Variants in LEPROTL1 observed in about 807,000 individuals in gnomAD.
LEPROTL1 encodes leptin receptor overlapping transcript-like 1.
LEPROTL1 carries 6 observed loss-of-function variants against 15.4 expected under a neutral mutation model. The ratio of observed to expected loss-of-function variants is 0.39; its 90% CI spans 0.21 to 0.77. LEPROTL1 has a LOEUF of 0.77. Ranked by LOEUF, LEPROTL1 falls within the 30% of genes least tolerant of loss-of-function variation. The pLI, the probability that LEPROTL1 is intolerant of heterozygous loss-of-function variation, is 0.41. For missense variants in LEPROTL1, 128 were observed against 158.1 expected (o/e 0.81, Z 1.02); for synonymous variants, 56 against 52.6 (o/e 1.06, Z -0.28).
downstream of LEPROTL1, among the ~76,000 whole-genome samples, chr8:30,110,142 C>T (rs1392342909): frequency 6.6e-6 from 1 of 152,158 alleles, no homozygotes; most frequent in African/African-American, 2.4e-5. Flanking sequence ...GTATGCTTTG[C>T]TTCCAGTCTC....
At chr8:30,118,019 G>GGTTGTTTTTTTTTTT (rs751348725) in intron 3 of LEPROTL1, among the ~76,000 whole-genome samples, 1 of 26,772 alleles carries the variant, frequency 3.7e-5, no homozygotes, top group Non-Finnish European at 8.4e-5. Flanking sequence ...TTTTTGATTT[G>GGTTGTTTTTTTTTTT]TTTTTTTTTT....
intron 3 of LEPROTL1, among the ~76,000 whole-genome samples, chr8:30,123,224 G>A (rs139960517): frequency 1.3e-5 from 2 of 152,278 alleles, no homozygotes; most frequent in Admixed American, 1.3e-4. Context: ...GATATTTTAT[G>A]ACCTACCTTA....
chr8:30,106,130 ATG>A lies in LEPROTL1; in HGVS notation c.*272_*273del, dbSNP rs921047264. ...GGTGTCCTGCTGAATTTAAATATTT[ATG>A]TGTTTTTCCTGTTAGGTTGATTTTT... On this transcript the variant is annotated 3_prime_UTR_variant, in exon 4 of 4. Transcript: ENST00000321250. The A allele has an allele frequency of 3.0e-6, 3 of 1,011,588 alleles. No individual in the cohort carries two copies. In the African/African-American group the frequency reaches 5.2e-5, roughly 17 times the overall value. 62.7% of individuals were successfully genotyped at this position (1,011,588 alleles called of 1,614,324 possible).
Position 30,106,373 on chromosome 8 carries a change from C to T in LEPROTL1, c.*511C>T, listed in dbSNP as rs1401999886. On this transcript the variant is annotated 3_prime_UTR_variant, in exon 4 of 4. Transcript: ENST00000321250. ...TGCAGACATACAGACGGTTGGCATA[C>T]GTTATAGACTGTATACTCAGTGCAA... 1.9e-5 allele frequency: 19 copies of T among 986,064 alleles called. No homozygotes were observed. The highest frequency in any genetic ancestry group is 4.7e-5 in the South Asian group (1 of 21,300). The allele number at this position is 986,064 out of a possible 1,614,324, so 61.1% of individuals were successfully genotyped here.
intron 4 of LEPROTL1, among the ~76,000 whole-genome samples, chr8:30,136,730 C>CT (rs11390350): frequency 0.1 from 14,899 of 143,710 alleles, 817 homozygotes; most frequent in East Asian, 0.24. Context: ...TCCCCCCGAA[C>CT]TTTTTTTTTT....
At position 30,107,922 on chromosome 8, in the gene LEPROTL1, C is replaced by T; in HGVS notation, c.*2060C>T. The T allele has an allele frequency of 1.0e-6, 1 of 985,256 alleles. No individual in the cohort carries two copies. The highest frequency in any genetic ancestry group is 1.2e-6 in the Non-Finnish European group (1 of 829,792). 61.0% of individuals were successfully genotyped at this position (985,256 alleles called of 1,614,324 possible). ...AGCATTGTGTCTTTGACCTTGTATA[C>T]TAGCTTGACATAGTGCTGTCTCTGA... On this transcript the variant is annotated 3_prime_UTR_variant, in exon 4 of 4. Coordinates refer to ENST00000321250, the MANE Select transcript of LEPROTL1 (RefSeq NM_015344.3).
rs1802560585 is a variant in LEPROTL1, at chr8:30,106,054, CTT to C, written c.*195_*196del. On this transcript the variant is annotated 3_prime_UTR_variant, in exon 4 of 4. Transcript: ENST00000321250. ...TGCTGAAGGATTAAAAGGATTTTCT[CTT>C]TTGGAAAAGCTTGACTGATTTCACA... The C allele has an allele frequency of 8.8e-7, 1 of 1,131,416 alleles. No homozygotes were observed. Among genetic ancestry groups the C allele is most frequent in the African/African-American group, 1.6e-5 (1 of 61,284 alleles). The allele number at this position is 1,131,416 out of a possible 1,614,324, so 70.1% of individuals were successfully genotyped here.
chr8:30,109,077 C>T (rs1802617541), downstream of LEPROTL1, among the ~76,000 whole-genome samples: 1 of 150,916 alleles, frequency 6.6e-6, no homozygotes, highest in African/African-American at 2.4e-5. Context: ...CGTGAGCCAC[C>T]ACACTTTGGC....
At chr8:30,103,100 TTTATA>T (rs1802500147) in intron 2 of LEPROTL1, among the ~76,000 whole-genome samples, 1 of 152,192 alleles carries the variant, frequency 6.6e-6, no homozygotes, top group Non-Finnish European at 1.5e-5. Flanking sequence ...TTATGCGTTA[TTTATA>T]AGAGCCAAAA....
chr8:30,107,969 A>G lies in LEPROTL1; in HGVS notation c.*2107A>G, dbSNP rs1454329031. On this transcript the variant is annotated 3_prime_UTR_variant, in exon 4 of 4. Transcript: ENST00000321250. ...CTGATTTCTAGGCTAGTTACTTGAG[A>G]TATGAATTTTCCATAGAATATGCAC... The G allele has an allele frequency of 2.0e-6, 2 of 983,744 alleles. No individual in the cohort carries two copies. Among genetic ancestry groups the G allele is most frequent in the Non-Finnish European group, 2.4e-6 (2 of 828,500 alleles). The allele number at this position is 983,744 out of a possible 1,614,324, so 60.9% of individuals were successfully genotyped here. A position where few individuals can be genotyped will look rare whatever the true frequency, so the allele number is the denominator to read the frequency against.
At chr8:30,105,668 C>A (rs1353443992) in intron 3 of LEPROTL1, 78 bp from the exon 4 acceptor site, 2 of 1,254,554 alleles carry the variant, frequency 1.6e-6, no homozygotes, top group Non-Finnish European at 2.3e-6. Flanking sequence ...AATTGGGATA[C>A]AACTAGAGCC....
At chr8:30,118,117 TG>T (rs1802772965) in intron 3 of LEPROTL1, among the ~76,000 whole-genome samples, 1 of 144,972 alleles carries the variant, frequency 6.9e-6, no homozygotes, top group Admixed American at 7.2e-5. Context: ...CTCTGCCTCC[TG>T]GGTTCAAGGG....
intron 2 of LEPROTL1, among the ~76,000 whole-genome samples, chr8:30,102,279 G>T (rs967159230): frequency 2.6e-5 from 4 of 151,400 alleles, no homozygotes; most frequent in East Asian, 3.9e-4. Flanking sequence ...CTAATTACAA[G>T]AAAATTTAAA....
chr8:30,096,451 A>AT (rs1802369151), intron 1 of LEPROTL1: 2 of 946,620 alleles, frequency 2.1e-6, no homozygotes, highest in Non-Finnish European at 2.5e-6. Flanking sequence ...TTTTCTTTGT[A>AT]TTTTTTCTTC....
At chr8:30,123,455 A>C (rs1802860814) in intron 3 of LEPROTL1, among the ~76,000 whole-genome samples, 1 of 152,234 alleles carries the variant, frequency 6.6e-6, no homozygotes, top group South Asian at 2.1e-4. Flanking sequence ...AACATGATAT[A>C]TCTCTCAATT....
At chr8:30,128,453 C>CT (rs1802939100) in intron 3 of LEPROTL1, among the ~76,000 whole-genome samples, 1 of 151,982 alleles carries the variant, frequency 6.6e-6, no homozygotes, top group Non-Finnish European at 1.5e-5. Context: ...AGAGTAGTCA[C>CT]TTAAAAAAAT....
In LEPROTL1 at chr8:30,095,539, G is replaced by A; in HGVS notation, c.16+11G>A. 1 of 1,421,266 alleles carries A rather than the reference G, an allele frequency of 7.0e-7. No individual in the cohort carries two copies. The highest frequency in any genetic ancestry group is 1.5e-5 in the African/African-American group (1 of 66,940). 88.0% of individuals were successfully genotyped at this position (1,421,266 alleles called of 1,614,324 possible). ...TGGCAGGCATCAAAGGTGGGCCTGG[G>A]TTGCAGGACGCGGGAGGGCTGGGGC... is the stretch of plus-strand genomic sequence containing the variant. On this transcript the variant is annotated intron_variant, in intron 1 of 3. Coordinates refer to ENST00000321250, the MANE Select transcript of LEPROTL1 (RefSeq NM_015344.3).
chr8:30,108,591 G>A (rs903153534), downstream of LEPROTL1: 1 of 151,600 alleles, frequency 6.6e-6, no homozygotes, highest in African/African-American at 2.4e-5. Flanking sequence ...AGTTTAGGCT[G>A]TGGACACTAA....
At chr8:30,109,383 TC>T, downstream of LEPROTL1, among the ~76,000 whole-genome samples, 1 of 152,380 alleles carries the variant, frequency 6.6e-6, no homozygotes, top group Non-Finnish European at 1.5e-5. Context: ...AGAAAACATG[TC>T]CTGTAGGTAA....
Sources: allele counts gnomAD v4.1 joint callset (sites outside exome capture counted in the v4.1 genomes callset), GRCh38; gene constraint gnomAD v4.1.1; transcripts MANE v1.5; gene names NCBI Gene and HGNC (gene_info 2026-07-23, HGNC 2026-07-21).